The following TMEM178B variants were observed in gnomAD, a reference collection of about 807,000 sequenced individuals.
The protein encoded by TMEM178B is transmembrane protein 178B.
Under a neutral mutation model 31.0 loss-of-function variants are expected in TMEM178B, and 5 were observed. That is an observed-to-expected ratio of 0.16 (90% CI 0.08 to 0.34). TMEM178B has a LOEUF of 0.34. Ranked by LOEUF, TMEM178B falls within the 10% of genes least tolerant of loss-of-function variation. The pLI is 1.00. For synonymous variants in TMEM178B, 164 were observed against 164.0 expected (o/e 1.00, Z 0.00); for missense variants, 275 against 400.3 (o/e 0.69, Z 2.67).
At chr7:141,498,769 T>G in the TMEM178B span, among the ~76,000 whole-genome samples, 1 of 152,196 alleles carries the variant, frequency 6.6e-6, no homozygotes, top group Admixed American at 6.5e-5. Context: ...TCTCCTACCC[T>G]TATTAAGGCC....
At position 141,476,550 on chromosome 7, in the gene TMEM178B, TG is replaced by T. The variant is rs908771050; in HGVS notation, c.*5765del. 6.6e-6 allele frequency: 1 copy of T among 152,212 alleles called. No individual in the cohort carries two copies. The highest frequency in any genetic ancestry group is 1.5e-5 in the Non-Finnish European group (1 of 68,042). 9.4% of individuals were successfully genotyped at this position (152,212 alleles called of 1,614,324 possible). On this transcript the variant is annotated 3_prime_UTR_variant, in exon 4 of 4. Coordinates refer to ENST00000565468, the MANE Select transcript of TMEM178B (RefSeq NM_001195278.2). ...TTTCAATGATCTTTCAAGTTTAGGA[TG>T]AGACCAAGTCTCAAGGAGCTGGGAT...
chr7:141,110,673 C>T (rs1267477505), intron 1 of TMEM178B, among the ~76,000 whole-genome samples: 1 of 152,120 alleles, frequency 6.6e-6, no homozygotes, highest in Non-Finnish European at 1.5e-5. Context: ...TCCTAAATTC[C>T]AGAGAATAGC....
intron 2 of TMEM178B, among the ~76,000 whole-genome samples, chr7:141,290,014 G>A (rs1326129908): frequency 6.6e-6 from 1 of 152,120 alleles, no homozygotes; most frequent in East Asian, 1.9e-4. Flanking sequence ...AAGAAGAAAT[G>A]GAACAAGGCA....
At chr7:141,081,620 T>TCTC (rs1463260669) in intron 1 of TMEM178B, among the ~76,000 whole-genome samples, 4 of 145,566 alleles carry the variant, frequency 2.7e-5, no homozygotes, top group Non-Finnish European at 4.5e-5. Flanking sequence ...TGGGTAACAA[T>TCTC]AGTGAAACTC....
the TMEM178B span, among the ~76,000 whole-genome samples, chr7:141,496,915 G>A: frequency 6.6e-6 from 1 of 152,116 alleles, no homozygotes; most frequent in South Asian, 2.1e-4. Context: ...TGGGGGTAAG[G>A]TGGTAGTGGT....
At chr7:141,274,100 T>C (rs56349191) in intron 2 of TMEM178B, among the ~76,000 whole-genome samples, 11,369 of 152,248 alleles carry the variant, frequency 0.075, 726 homozygotes, top group African/African-American at 0.15. Flanking sequence ...GTCACGTCTT[T>C]AGAGAGCTTT....
chr7:141,195,929 A>G (rs1371512118), intron 1 of TMEM178B, among the ~76,000 whole-genome samples: 5 of 152,132 alleles, frequency 3.3e-5, no homozygotes, highest in Admixed American at 6.6e-5. Flanking sequence ...CTTACTCACT[A>G]TCACAAGAAT....
chr7:141,506,672 C>A, the TMEM178B span, among the ~76,000 whole-genome samples: 2 of 152,242 alleles, frequency 1.3e-5, no homozygotes, highest in East Asian at 3.9e-4. Flanking sequence ...TGGCCCCTCC[C>A]AAATCTTATG....
chr7:141,116,356 G>A (rs1196604858), intron 1 of TMEM178B, among the ~76,000 whole-genome samples: 1 of 152,040 alleles, frequency 6.6e-6, no homozygotes, highest in Non-Finnish European at 1.5e-5. Flanking sequence ...GGAGGTGAAA[G>A]GGAAAAAGAG....
chr7:141,118,807 C>T (rs114285737), intron 1 of TMEM178B, among the ~76,000 whole-genome samples: 4 of 152,270 alleles, frequency 2.6e-5, no homozygotes, highest in African/African-American at 9.6e-5. Context: ...CTGAAGAAAT[C>T]GTATGAAGGA....
chr7:141,438,166 G>A (rs774980684), intron 3 of TMEM178B, among the ~76,000 whole-genome samples: 5 of 152,118 alleles, frequency 3.3e-5, no homozygotes, highest in Non-Finnish European at 7.4e-5. Flanking sequence ...CCGTCCAAAA[G>A]TCTATCTTCA....
At position 141,328,947 on chromosome 7, in the gene TMEM178B, A is replaced by G. The variant is rs114952323; in HGVS notation, c.497-108661A>G. On this transcript the variant is annotated intron_variant, in intron 2 of 3. Transcript: ENST00000565468. Reference sequence around the variant, plus strand: ...TAATTAATGGTGAGAATCAGGTCTTATGACTTTCAGATCATTTTGATATGC... The same window carrying G: ...TAATTAATGGTGAGAATCAGGTCTTGTGACTTTCAGATCATTTTGATATGC... Among the ~76,000 whole-genome samples the G allele has an allele frequency of 1.4e-3, 207 of 152,282 alleles. 1 individual carries two copies. Among genetic ancestry groups the G allele is most frequent in the African/African-American group, 4.8e-3 (200 of 41,542 alleles).
At chr7:141,169,477 GCTATTGTGAATCA>G (rs1286344102) in intron 1 of TMEM178B, among the ~76,000 whole-genome samples, 1 of 152,120 alleles carries the variant, frequency 6.6e-6, no homozygotes, top group Non-Finnish European at 1.5e-5. Flanking sequence ...CCATGTCCTT[GCTATTGTGAATCA>G]CTATTCACAA....
At chr7:141,504,856 T>C in the TMEM178B span, among the ~76,000 whole-genome samples, 1 of 152,342 alleles carries the variant, frequency 6.6e-6, no homozygotes, top group African/African-American at 2.4e-5. Flanking sequence ...CAGAGTCACT[T>C]TGAGTGCTTA....
chr7:141,333,283 C>T (rs1799327292), intron 2 of TMEM178B, among the ~76,000 whole-genome samples: 1 of 152,188 alleles, frequency 6.6e-6, no homozygotes, highest in African/African-American at 2.4e-5. Flanking sequence ...CCATTTTCTA[C>T]CCTCTTCACT....
chr7:141,202,518 A>G (rs1327678031), intron 1 of TMEM178B, among the ~76,000 whole-genome samples: 1 of 152,272 alleles, frequency 6.6e-6, no homozygotes, highest in African/African-American at 2.4e-5. Context: ...ATACAAAACA[A>G]CATTAAAAGG....
chr7:141,438,712 A>AAAAG (rs1554488056), intron 3 of TMEM178B, among the ~76,000 whole-genome samples: 1 of 141,024 alleles, frequency 7.1e-6, no homozygotes, highest in East Asian at 2.0e-4. Flanking sequence ...AAAAAAAAAA[A>AAAAG]AAAAAAAAAA....
chr7:141,494,965 G>A, the TMEM178B span, among the ~76,000 whole-genome samples: 1 of 152,266 alleles, frequency 6.6e-6, no homozygotes, highest in East Asian at 1.9e-4. Flanking sequence ...GAAGCCGGGT[G>A]GTGGGAGCAC....
At chr7:141,122,331 G>A (rs982087854) in intron 1 of TMEM178B, among the ~76,000 whole-genome samples, 3 of 152,192 alleles carry the variant, frequency 2.0e-5, no homozygotes, top group African/African-American at 7.2e-5. Context: ...GGCCAGTTCT[G>A]TCTAATGCAG....
Sources: allele counts gnomAD v4.1 joint callset (sites outside exome capture counted in the v4.1 genomes callset), GRCh38; gene constraint gnomAD v4.1.1; transcripts MANE v1.5; gene names NCBI Gene and HGNC (gene_info 2026-07-23, HGNC 2026-07-21).